SLC7A5: variants seen among roughly 807,000 people sequenced by gnomAD.
SLC7A5 encodes the protein solute carrier family 7 member 5.
Under a neutral mutation model 50.2 loss-of-function variants are expected in SLC7A5, and 23 were observed. That is an observed-to-expected ratio of 0.46 (90% CI 0.33 to 0.65). The LOEUF (loss-of-function observed/expected upper bound fraction) is 0.65, where lower values mean the gene tolerates loss of function less well. Among genes scored for constraint, SLC7A5 ranks in the 30% least tolerant of loss-of-function variants. The pLI is 0.02. For missense variants in SLC7A5, 578 were observed against 684.4 expected, an observed-to-expected ratio of 0.84 and a Z score of 1.73; for synonymous variants, 393 against 330.6, an observed-to-expected ratio of 1.19 and a Z score of -2.05.
chr16:87,845,004 G>A (rs896776422), intron 2 of SLC7A5, among the ~76,000 whole-genome samples: 5 of 152,220 alleles, frequency 3.3e-5, no homozygotes, highest in Non-Finnish European at 7.4e-5. Context: ...GACAGATCCA[G>A]GGGAGACAGA....
At chr16:87,847,687 A>G (rs888531142) in intron 2 of SLC7A5, among the ~76,000 whole-genome samples, 2 of 152,174 alleles carry the variant, frequency 1.3e-5, no homozygotes, top group African/African-American at 4.8e-5. Context: ...TCCCCCCAGC[A>G]GCGCATGACC....
intron 1 of SLC7A5, among the ~76,000 whole-genome samples, chr16:87,856,812 C>A (rs2055327398): frequency 6.6e-6 from 1 of 152,164 alleles, no homozygotes; most frequent in African/African-American, 2.4e-5. Flanking sequence ...CACCATCTCC[C>A]GTGTCATCCC....
chr16:87,855,750 G>A (rs1183186394), intron 1 of SLC7A5, among the ~76,000 whole-genome samples: 1 of 152,014 alleles, frequency 6.6e-6, no homozygotes, highest in Non-Finnish European at 1.5e-5. Context: ...CCAGTAACAG[G>A]TGTGTTCAAT....
chr16:87,847,092 G>C (rs551482641), intron 2 of SLC7A5, among the ~76,000 whole-genome samples: 1 of 152,198 alleles, frequency 6.6e-6, no homozygotes, highest in East Asian at 1.9e-4. Flanking sequence ...AGCTCTGCTG[G>C]GAGCGCCTAG....
rs1484855306 is a variant in SLC7A5, at chr16:87,860,001, A to C, written c.539-8152T>G. ...CCAGATACTCCTTTCTATTGATACC[A>C]GGTCTTTAGCTAATAACTCTTTCAA... On this transcript the variant is annotated intron_variant, in intron 1 of 9. Transcript: ENST00000261622. This position sits in a 1 kb window ranked among gnomAD's most constrained non-coding sequence, Gnocchi z 4.8. Among the ~76,000 whole-genome samples, 1 of 151,952 alleles carries C rather than the reference A, an allele frequency of 6.6e-6. No individual in the cohort carries two copies. The highest frequency in any genetic ancestry group is 1.5e-5 in the Non-Finnish European group (1 of 68,012).
In SLC7A5 at chr16:87,837,953, CAA is replaced by C. The variant is rs1184317108; in HGVS notation, c.1044-14_1044-13del. The C allele has an allele frequency of 3.1e-6, 5 of 1,591,266 alleles. No individual in the cohort carries two copies. In the South Asian group the frequency reaches 3.4e-5, roughly 11 times the overall value. On this transcript the variant is annotated splice_polypyrimidine_tract_variant and intron_variant, in intron 6 of 9. Coordinates refer to ENST00000261622, the MANE Select transcript of SLC7A5 (RefSeq NM_003486.7). ...CCACGAAGAAGAGCCTGTGGACAGACAAGAGTGGCAGAGTCAGCCACCGCCCC... is the reference window on the plus strand; with the variant it reads ...CCACGAAGAAGAGCCTGTGGACAGACGAGTGGCAGAGTCAGCCACCGCCCC...
Position 87,861,963 on chromosome 16 carries a change from C to T in SLC7A5, c.538+6922G>A, listed in dbSNP as rs554009270. Among the ~76,000 whole-genome samples the T allele has an allele frequency of 2.0e-5, 3 of 152,312 alleles. No individual in the cohort carries two copies. The highest frequency in any genetic ancestry group is 2.1e-4 in the South Asian group (1 of 4,830). ...CTGGCTGCCGCCTGCAATGAGCCCA[C>T]GGCTTGAGCTCTGGGGCCCACCCAG... On this transcript the variant is annotated intron_variant, in intron 1 of 9. Transcript: ENST00000261622. This position sits in a 1 kb window ranked among gnomAD's most constrained non-coding sequence, Gnocchi z 4.2.
Position 87,832,962 on chromosome 16 carries a change from C to A in SLC7A5, c.*8G>T, listed in dbSNP as rs758680565. ...GCATGCTCCTCCGGCAGCCACTCGG[C>A]CTCCTGGCTATGTCTCCTGGGGGAC... On this transcript the variant is annotated 3_prime_UTR_variant, in exon 10 of 10. Transcript: ENST00000261622. The surrounding 1 kb of genome is among the most constrained non-coding windows in gnomAD (Gnocchi z 4.6). 9 of 1,612,922 alleles carry A rather than the reference C, an allele frequency of 5.6e-6. No individual in the cohort carries two copies. In the African/African-American group the frequency reaches 1.1e-4, roughly 19 times the overall value.
chr16:87,851,963 A>C, intron 1 of SLC7A5, 114 bp from the exon 2 acceptor site: 1 of 1,302,880 alleles, frequency 7.7e-7, no homozygotes, highest in South Asian at 1.2e-5. Flanking sequence ...CCAGAAAAAC[A>C]AGCTCCTTAA....
intron 1 of SLC7A5, among the ~76,000 whole-genome samples, chr16:87,856,932 A>G (rs1383800221): frequency 6.6e-6 from 1 of 152,228 alleles, no homozygotes; most frequent in Admixed American, 6.5e-5. Context: ...ACAAGGTCCC[A>G]GGGAGGCTGG....
intron 1 of SLC7A5, among the ~76,000 whole-genome samples, chr16:87,856,702 G>C (rs1349694659): frequency 6.6e-6 from 1 of 152,174 alleles, no homozygotes; most frequent in Non-Finnish European, 1.5e-5. Flanking sequence ...GTGCACATGG[G>C]GCTTTAGTAG....
chr16:87,837,393 A>T, intron 7 of SLC7A5: 1 of 198,980 alleles, frequency 5.0e-6, no homozygotes. Context: ...CTGTGAGATA[A>T]TAAGTGCTTT....
At chr16:87,842,521 G>A (rs2055094321) in intron 2 of SLC7A5, among the ~76,000 whole-genome samples, 3 of 152,248 alleles carry the variant, frequency 2.0e-5, no homozygotes, top group East Asian at 1.9e-4. Context: ...CAGAGCCCAC[G>A]GTGGGGTCCC....
At position 87,833,430 on chromosome 16, in the gene SLC7A5, G is replaced by A. The variant is rs1209674215; in HGVS notation, c.1469-405C>T. On this transcript the variant is annotated intron_variant, in intron 9 of 9. Coordinates refer to ENST00000261622, the MANE Select transcript of SLC7A5 (RefSeq NM_003486.7). The surrounding 1 kb of genome is among the most constrained non-coding windows in gnomAD (Gnocchi z 6.0). ...GTTCACAGCAGGCAGGGCCGGAGGG[G>A]CCAATCTGCTAACGGGTCCTCGGAA... 6.6e-6 allele frequency among the ~76,000 whole-genome samples: 1 copy of A among 152,170 alleles called. No homozygotes were observed. Among genetic ancestry groups the A allele is most frequent in the Admixed American group, 6.5e-5 (1 of 15,284 alleles).
intron 1 of SLC7A5, among the ~76,000 whole-genome samples, chr16:87,864,006 T>TATATATATATATATATATATATCA (rs1367195610): frequency 7.0e-6 from 1 of 142,976 alleles, no homozygotes; most frequent in Non-Finnish European, 1.5e-5. Flanking sequence ...TATATATATA[T>TATATATATATATATATATATATCA]ATCAGCCGAG....
At chr16:87,840,963 C>T (rs935387576) in intron 3 of SLC7A5, 87 bp downstream of exon 3, 3 of 915,018 alleles carry the variant, frequency 3.3e-6, no homozygotes, top group Non-Finnish European at 5.5e-6. Context: ...TTTAACTGCC[C>T]CTTGATGGCT....
At chr16:87,856,084 G>A (rs560884379) in intron 1 of SLC7A5, among the ~76,000 whole-genome samples, 1 of 152,284 alleles carries the variant, frequency 6.6e-6, no homozygotes, top group Admixed American at 6.5e-5. Flanking sequence ...CCCAAACACA[G>A]CCACTGTGAG....
chr16:87,850,143 C>G (rs539673297), intron 2 of SLC7A5, among the ~76,000 whole-genome samples: 29 of 152,332 alleles, frequency 1.9e-4, no homozygotes, highest in African/African-American at 6.7e-4. Flanking sequence ...GTGCCACGTA[C>G]AGCCAGCAGG....
At chr16:87,849,122 C>T (rs1464153545) in intron 2 of SLC7A5, among the ~76,000 whole-genome samples, 1 of 152,236 alleles carries the variant, frequency 6.6e-6, no homozygotes, top group East Asian at 1.9e-4. Context: ...GGCCACTTGC[C>T]AGTCGTTGCA....
Sources: gnomAD v4.1 joint callset for allele counts (sites outside exome capture counted in the v4.1 genomes callset) on GRCh38, gnomAD v4.1.1 for gene constraint, Gnocchi (gnomAD v3.1) non-coding constraint, MANE v1.5 for transcripts, NCBI Gene and HGNC (gene_info 2026-07-23, HGNC 2026-07-21) for gene names.